NRXN3: variants seen among roughly 807,000 people sequenced by gnomAD.
NRXN3 encodes the protein neurexin 3.
NRXN3 carries 32 observed loss-of-function variants against 137.6 expected under a neutral mutation model. The observed-to-expected ratio is 0.23, with a 90% CI of 0.18 to 0.31. NRXN3 has a LOEUF of 0.31. Ranked by LOEUF, NRXN3 falls within the 10% of genes least tolerant of loss-of-function variation. NRXN3 has a pLI of 1.00. For missense variants in NRXN3, 1,574 were observed against 2,062.5 expected (o/e 0.76, Z 4.59); for synonymous variants, 798 against 784.5 (o/e 1.02, Z -0.29).
intron 4 of NRXN3, among the ~76,000 whole-genome samples, chr14:78,491,288 G>C (rs541903316): frequency 4.7e-4 from 65 of 139,426 alleles, no homozygotes; most frequent in African/African-American, 1.4e-3. Context: ...ACCACTCAGA[G>C]GGGGAGGGAA....
chr14:79,588,485 C>G (rs906693009), intron 16 of NRXN3, among the ~76,000 whole-genome samples: 2 of 152,178 alleles, frequency 1.3e-5, no homozygotes, highest in Non-Finnish European at 2.9e-5. Flanking sequence ...AAAAAGGCTG[C>G]TATTTGAACT....
intron 15 of NRXN3, among the ~76,000 whole-genome samples, chr14:79,039,406 TC>T (rs1486294621): frequency 1.3e-5 from 2 of 152,130 alleles, no homozygotes; most frequent in Non-Finnish European, 2.9e-5. Context: ...TGCTTTTTTA[TC>T]CCCCTTATTT....
At chr14:78,991,752 T>C (rs1330451016) in intron 15 of NRXN3, among the ~76,000 whole-genome samples, 1 of 152,254 alleles carries the variant, frequency 6.6e-6, no homozygotes, top group African/African-American at 2.4e-5. Flanking sequence ...TTGGTTCTTT[T>C]ATGACCTTTG....
rs186913463 is a variant in NRXN3 at position 79,206,658 on chromosome 14, A to G, written c.3262+218517A>G. ...TACCTTTTCTAATGAGTTATTGTCA[A>G]TAACATCCCAGTGCTGCTTTCTGAA... is the stretch of plus-strand genomic sequence containing the variant. On this transcript the variant is annotated intron_variant, in intron 15 of 20. Coordinates refer to ENST00000335750, the MANE Select transcript of NRXN3 (RefSeq NM_001330195.2). Among the ~76,000 whole-genome samples, 272 of 152,322 alleles carry G rather than the reference A, an allele frequency of 1.8e-3. 2 individuals are homozygous for G. Among genetic ancestry groups the G allele is most frequent in the African/African-American group, 5.7e-3 (238 of 41,568 alleles).
intron 1 of NRXN3, among the ~76,000 whole-genome samples, chr14:78,215,546 G>A (rs1187046172): frequency 6.6e-6 from 1 of 152,080 alleles, no homozygotes; most frequent in African/African-American, 2.4e-5. Context: ...AGAACTTTCT[G>A]GCATTCAGAA....
chr14:78,348,777 T>C (rs2083090628), intron 4 of NRXN3, among the ~76,000 whole-genome samples: 1 of 152,170 alleles, frequency 6.6e-6, no homozygotes. Context: ...ATGAGCTCTG[T>C]GGGTGACTGT....
chr14:78,907,675 G>A (rs942865684), intron 10 of NRXN3, among the ~76,000 whole-genome samples: 6 of 152,022 alleles, frequency 3.9e-5, no homozygotes, highest in Non-Finnish European at 7.4e-5. Context: ...GGGCATAAGT[G>A]TAAGTTTGTT....
chr14:78,281,661 G>C (rs1293896375), intron 3 of NRXN3, among the ~76,000 whole-genome samples: 1 of 152,154 alleles, frequency 6.6e-6, no homozygotes, highest in African/African-American at 2.4e-5. Context: ...CACTTGGCAG[G>C]TGCTGAAGAG....
rs189659494 is a variant in NRXN3 at position 78,248,952 on chromosome 14, T to C, written c.709+5150T>C. Among the ~76,000 whole-genome samples, 6 of 152,306 alleles carry C rather than the reference T, an allele frequency of 3.9e-5. No homozygotes were observed. The East Asian group carries it at 1.2e-3, about 29-fold the overall frequency. On this transcript the variant is annotated intron_variant, in intron 2 of 20. Coordinates refer to ENST00000335750, the MANE Select transcript of NRXN3 (RefSeq NM_001330195.2). Reference sequence around the variant, plus strand: ...GGGCTGTCACTAAACGGAGCCTGAATAGGGGTCTGATTGCTCCTTTTTCCT... The same window carrying C: ...GGGCTGTCACTAAACGGAGCCTGAACAGGGGTCTGATTGCTCCTTTTTCCT...
intron 19 of NRXN3, among the ~76,000 whole-genome samples, chr14:79,802,344 A>G (rs1416803174): frequency 6.6e-6 from 1 of 152,132 alleles, no homozygotes; most frequent in African/African-American, 2.4e-5. Context: ...TTCCAGTTGA[A>G]CACACTTCAG....
At chr14:78,905,245 T>C (rs1051730821) in intron 10 of NRXN3, among the ~76,000 whole-genome samples, 4 of 152,020 alleles carry the variant, frequency 2.6e-5, no homozygotes, top group Admixed American at 6.6e-5. Context: ...CACAAAAATA[T>C]CATATTCTTA....
At chr14:78,350,712 C>T (rs987500472) in intron 4 of NRXN3, among the ~76,000 whole-genome samples, 3 of 152,036 alleles carry the variant, frequency 2.0e-5, no homozygotes, top group Admixed American at 6.6e-5. Context: ...AAACATGAGG[C>T]AGGGGGCTCA....
At chr14:78,892,545 C>T (rs2099161995) in intron 10 of NRXN3, among the ~76,000 whole-genome samples, 1 of 151,736 alleles carries the variant, frequency 6.6e-6, no homozygotes, top group Non-Finnish European at 1.5e-5. Flanking sequence ...ATCAAAACTA[C>T]CTTCCTTTTT....
At chr14:79,369,631 T>C (rs1226680533) in intron 15 of NRXN3, among the ~76,000 whole-genome samples, 1 of 152,202 alleles carries the variant, frequency 6.6e-6, no homozygotes, top group East Asian at 1.9e-4. Context: ...TTATGTTTGG[T>C]TTCCCTGTCT....
intron 2 of NRXN3, among the ~76,000 whole-genome samples, chr14:78,244,694 A>G (rs2067431447): frequency 6.6e-6 from 1 of 152,172 alleles, no homozygotes; most frequent in Non-Finnish European, 1.5e-5. Context: ...GTTTTTGGCA[A>G]TGAGGATTTC....
chr14:78,468,643 A>G (rs1429453259), intron 4 of NRXN3, among the ~76,000 whole-genome samples: 2 of 152,242 alleles, frequency 1.3e-5, no homozygotes, highest in Non-Finnish European at 2.9e-5. Context: ...AGCTGGAGAC[A>G]TAGACTCTAT....
intron 11 of NRXN3, among the ~76,000 whole-genome samples, chr14:78,965,123 C>T (rs1392898162): frequency 6.6e-6 from 1 of 152,106 alleles, no homozygotes; most frequent in Non-Finnish European, 1.5e-5. Flanking sequence ...CTTACCCCTC[C>T]AGCAGTCCTT....
intron 16 of NRXN3, among the ~76,000 whole-genome samples, chr14:79,655,095 T>C (rs2098499071): frequency 6.6e-6 from 1 of 152,178 alleles, no homozygotes; most frequent in African/African-American, 2.4e-5. Flanking sequence ...ATGCATATTC[T>C]TGGAAACTGA....
At chr14:78,447,689 A>G (rs957223333) in intron 4 of NRXN3, among the ~76,000 whole-genome samples, 2 of 152,232 alleles carry the variant, frequency 1.3e-5, no homozygotes, top group Non-Finnish European at 2.9e-5. Context: ...CCTTCACAGA[A>G]TAGTTGCAAT....
Sources: gnomAD v4.1 joint callset for allele counts (sites outside exome capture counted in the v4.1 genomes callset) on GRCh38, gnomAD v4.1.1 for gene constraint, MANE v1.5 for transcripts, NCBI Gene and HGNC (gene_info 2026-07-23, HGNC 2026-07-21) for gene names.